The following FAR2 variants were observed in gnomAD, a reference collection of about 807,000 sequenced individuals.
The protein encoded by FAR2 is epididymis secretory protein Li 81.
A neutral mutation model predicts 56.0 loss-of-function variants in FAR2; 19 were observed. The observed-to-expected ratio is 0.34, with a 90% CI of 0.24 to 0.50. The LOEUF (loss-of-function observed/expected upper bound fraction) is 0.50, where lower values mean the gene tolerates loss of function less well. FAR2 is among the 20% of genes least tolerant of loss of function. FAR2 has a pLI of 0.98. For synonymous variants in FAR2, 219 were observed against 218.8 expected (o/e 1.00, Z -0.01); for missense variants, 508 against 642.2 (o/e 0.79, Z 2.26).
At chr12:29,190,739 A>G (rs920878440) in intron 1 of FAR2, among the ~76,000 whole-genome samples, 3 of 151,798 alleles carry the variant, frequency 2.0e-5, no homozygotes, top group Admixed American at 6.6e-5. Flanking sequence ...CTGGGATTAC[A>G]GGCATGAGCC....
intron 1 of FAR2, among the ~76,000 whole-genome samples, chr12:29,207,531 A>G (rs768986550): frequency 6.6e-6 from 1 of 152,162 alleles, no homozygotes; most frequent in Non-Finnish European, 1.5e-5. Context: ...CACCTCCAGA[A>G]TTACGGATGC....
At chr12:29,276,045 A>C (rs1948701289) in intron 2 of FAR2, among the ~76,000 whole-genome samples, 1 of 152,216 alleles carries the variant, frequency 6.6e-6, no homozygotes, top group Non-Finnish European at 1.5e-5. Context: ...CTTCAGAGGC[A>C]GACAGACCTG....
chr12:29,295,208 G>A (rs550254570), intron 3 of FAR2, among the ~76,000 whole-genome samples: 1 of 152,144 alleles, frequency 6.6e-6, no homozygotes, highest in South Asian at 2.1e-4. Flanking sequence ...CATGTAGCTG[G>A]GACTACAGGC....
At chr12:29,268,589 A>G (rs550443845) in intron 1 of FAR2, among the ~76,000 whole-genome samples, 61 of 152,086 alleles carry the variant, frequency 4.0e-4, no homozygotes, top group African/African-American at 1.4e-3. Flanking sequence ...AGCCTCCTCT[A>G]CCTTTGCTTT....
intron 1 of FAR2, among the ~76,000 whole-genome samples, chr12:29,163,997 T>A (rs1374124117): frequency 1.3e-5 from 2 of 152,110 alleles, no homozygotes; most frequent in Non-Finnish European, 2.9e-5. Context: ...GTCAAAATGG[T>A]TGAGTGTTGG....
intron 1 of FAR2, among the ~76,000 whole-genome samples, chr12:29,257,789 A>T (rs187904832): frequency 1.3e-4 from 19 of 151,992 alleles, no homozygotes; most frequent in East Asian, 1.9e-4. Flanking sequence ...GAAGGAACAA[A>T]CTCCGGACAC....
chr12:29,299,805 G>A (rs1161443592), intron 4 of FAR2, among the ~76,000 whole-genome samples: 1 of 150,494 alleles, frequency 6.6e-6, no homozygotes, highest in Non-Finnish European at 1.5e-5. Context: ...TCGAAACTCT[G>A]TTTGTCCCTA....
At chr12:29,221,857 T>C (rs891702538) in intron 1 of FAR2, among the ~76,000 whole-genome samples, 1 of 151,434 alleles carries the variant, frequency 6.6e-6, no homozygotes, top group Non-Finnish European at 1.5e-5. Context: ...CAAACTTGCT[T>C]TTTTTTTTGA....
chr12:29,227,008 A>G (rs1947779229), intron 1 of FAR2, among the ~76,000 whole-genome samples: 1 of 152,200 alleles, frequency 6.6e-6, no homozygotes, highest in East Asian at 1.9e-4. Flanking sequence ...CTTTACTTAG[A>G]TCTTTTAAAA....
At chr12:29,253,256 TATCTAGATAG>T (rs1565489362) in intron 1 of FAR2, among the ~76,000 whole-genome samples, 15 of 119,582 alleles carry the variant, frequency 1.3e-4, no homozygotes, top group Admixed American at 3.7e-4. Context: ...TATCGATATC[TATCTAGATAG>T]ATATCTATAT....
chr12:29,160,824 C>A (rs139946267), intron 1 of FAR2, among the ~76,000 whole-genome samples: 1 of 148,696 alleles, frequency 6.7e-6, no homozygotes, highest in Non-Finnish European at 1.5e-5. Context: ...GATTAGGGAC[C>A]CCCCCCCACT....
rs149179427 is a variant in FAR2, at chr12:29,316,924, T to G, written c.1039T>G (p.Phe347Val). ...RPNANFTSNSFTSQYWNAVSH... is the reference protein window; with the variant it reads ...RPNANFTSNSVTSQYWNAVSH... ...AAATGCTAATTTTACCAGCAACAGC[T>G]TCACATCACAGTACTGGAATGCGGT... The change falls in exon 9 of 12, where the codon TTC becomes GTC. Residue 347 changes from phenylalanine to valine, a missense_variant. Phe to Val is a conservative substitution (Grantham distance 50, BLOSUM62 -1). Coordinates refer to ENST00000536681, the MANE Select transcript of FAR2 (RefSeq NM_001271783.2). The G allele has an allele frequency of 1.2e-6, 2 of 1,614,144 alleles. No individual in the cohort carries two copies. The highest frequency in any genetic ancestry group is 2.2e-5 in the East Asian group (1 of 44,872).
chr12:29,321,752 A>G, intron 9 of FAR2, 43 bp from the exon 10 acceptor site: 2 of 1,603,150 alleles, frequency 1.2e-6, no homozygotes, highest in South Asian at 2.2e-5. Context: ...AGTGACAGGG[A>G]AGTGGTGCGC....
At chr12:29,319,841 TA>T (rs1232066414) in intron 9 of FAR2, among the ~76,000 whole-genome samples, 1 of 152,226 alleles carries the variant, frequency 6.6e-6, no homozygotes. Flanking sequence ...TAAAGATGTT[TA>T]AAATTTTTAT....
intron 2 of FAR2, chr12:29,282,172 A>C (rs1948796460): frequency 6.6e-6 from 1 of 152,216 alleles, no homozygotes; most frequent in South Asian, 2.1e-4. Flanking sequence ...ACCATGTTAC[A>C]TCAGCTTGCC....
intron 1 of FAR2, among the ~76,000 whole-genome samples, chr12:29,237,426 A>T (rs904882503): frequency 1.1e-4 from 16 of 152,190 alleles, no homozygotes; most frequent in Admixed American, 1.0e-3. Context: ...AAAAAGCAAA[A>T]TTGCTGGTTT....
intron 2 of FAR2, among the ~76,000 whole-genome samples, chr12:29,282,731 C>T (rs569085640): frequency 1.2e-4 from 19 of 152,280 alleles, no homozygotes; most frequent in African/African-American, 4.6e-4. Context: ...CTGCTTCCTT[C>T]TTTTCCTTTT....
intron 11 of FAR2, 126 bp downstream of exon 11, chr12:29,332,853 C>A: frequency 1.2e-6 from 1 of 861,032 alleles, no homozygotes. Context: ...AGGTCCTGCA[C>A]TCCATACTCT....
intron 1 of FAR2, among the ~76,000 whole-genome samples, chr12:29,210,401 C>T (rs1275996883): frequency 6.6e-6 from 1 of 152,152 alleles, no homozygotes; most frequent in Non-Finnish European, 1.5e-5. Context: ...TTTCCAAGCC[C>T]AGGTTCTTTG....
Sources: allele counts gnomAD v4.1 joint callset (sites outside exome capture counted in the v4.1 genomes callset), GRCh38; gene constraint gnomAD v4.1.1; transcripts MANE v1.5; gene names NCBI Gene and HGNC (gene_info 2026-07-23, HGNC 2026-07-21).